NAV2: variants seen among roughly 807,000 people sequenced by gnomAD.
NAV2 encodes the protein neuron navigator 2.
In NAV2, 54 loss-of-function variants were observed where a neutral mutation model predicts 223.2. The observed-to-expected ratio is 0.24, with a 90% CI of 0.19 to 0.30. NAV2 has a LOEUF of 0.30. NAV2 is among the 10% of genes least tolerant of loss of function. NAV2 has a pLI of 1.00. For missense variants in NAV2, 2,806 were observed against 3,147.5 expected (o/e 0.89, Z 2.60); for synonymous variants, 1,279 against 1,239.3 (o/e 1.03, Z -0.67).
At chr11:19,369,300 C>T (rs181472618) in intron 1 of NAV2, among the ~76,000 whole-genome samples, 2 of 152,226 alleles carry the variant, frequency 1.3e-5, no homozygotes, top group Non-Finnish European at 2.9e-5. Flanking sequence ...TTGGAACGAC[C>T]CATTGCAAAT....
intron 1 of NAV2, among the ~76,000 whole-genome samples, chr11:19,499,470 G>A (rs971782604): frequency 4.6e-5 from 7 of 152,222 alleles, no homozygotes; most frequent in African/African-American, 1.7e-4. Context: ...TCGTTTCTAA[G>A]GAGAGGTGAG....
intron 8 of NAV2, among the ~76,000 whole-genome samples, chr11:19,945,147 TTCTG>T (rs2046808025): frequency 7.4e-6 from 1 of 134,548 alleles, no homozygotes; most frequent in African/African-American, 2.7e-5. Context: ...CTTCCTTTCT[TTCTG>T]TCTCCCTTCC....
chr11:20,079,942 T>A, intron 24 of NAV2, 122 bp from the exon 25 acceptor site: 1 of 977,808 alleles, frequency 1.0e-6, no homozygotes, highest in Non-Finnish European at 1.5e-6. Flanking sequence ...TCAGAGTTGA[T>A]GTATATGTGG....
chr11:19,993,335 A>G (rs760292934), intron 11 of NAV2, among the ~76,000 whole-genome samples: 5 of 152,232 alleles, frequency 3.3e-5, no homozygotes, highest in Non-Finnish European at 7.3e-5. Context: ...CTTCACTGCA[A>G]GAAGAAAGAG....
intron 10 of NAV2, 40 bp downstream of exon 10, chr11:19,949,120 G>A (rs1260790969): frequency 2.6e-6 from 4 of 1,537,000 alleles, no homozygotes; most frequent in Non-Finnish European, 3.5e-6. Flanking sequence ...GAGAGAAAGA[G>A]GGCTTGGCAC....
intron 37 of NAV2, among the ~76,000 whole-genome samples, chr11:20,116,967 T>C (rs145871743): frequency 1.3e-5 from 2 of 152,276 alleles, no homozygotes; most frequent in African/African-American, 4.8e-5. Context: ...TTGCCAAGGA[T>C]TGTCCATTAT....
At chr11:19,636,223 C>T (rs1590744899) in intron 1 of NAV2, among the ~76,000 whole-genome samples, 1 of 152,178 alleles carries the variant, frequency 6.6e-6, no homozygotes, top group East Asian at 1.9e-4. Context: ...ATATATGTTT[C>T]TTATGCCTTT....
chr11:19,655,072 G>A (rs963312893), intron 1 of NAV2, among the ~76,000 whole-genome samples: 1 of 152,196 alleles, frequency 6.6e-6, no homozygotes, highest in Admixed American at 6.5e-5. Flanking sequence ...CCATCAACAA[G>A]TGGGTGAAGG....
At chr11:19,544,265 A>G (rs887477155) in intron 1 of NAV2, among the ~76,000 whole-genome samples, 31 of 152,212 alleles carry the variant, frequency 2.0e-4, no homozygotes, top group African/African-American at 7.2e-4. Flanking sequence ...TCTTGACTCT[A>G]ATCTCGAGTT....
intron 26 of NAV2, 24 bp downstream of exon 26, chr11:20,083,203 T>A (rs770475776): frequency 5.0e-6 from 8 of 1,595,246 alleles, no homozygotes; most frequent in Non-Finnish European, 6.8e-6. Flanking sequence ...TCTAGTCAGA[T>A]AACATCTTTG....
chr11:19,948,561 C>T (rs1187586143), intron 9 of NAV2, 130 bp from the exon 10 acceptor site: 1 of 947,020 alleles, frequency 1.1e-6, no homozygotes, highest in Non-Finnish European at 1.5e-6. Context: ...TCAGGTGGTA[C>T]ATGGGGGCTG....
intron 4 of NAV2, among the ~76,000 whole-genome samples, chr11:19,872,224 T>C (rs1301858931): frequency 2.6e-5 from 4 of 152,212 alleles, no homozygotes; most frequent in African/African-American, 9.6e-5. Context: ...GATAGATTTA[T>C]TGAGAACTTA....
chr11:19,727,911 G>A (rs1280270156), intron 1 of NAV2, among the ~76,000 whole-genome samples: 6 of 152,164 alleles, frequency 3.9e-5, no homozygotes, highest in Non-Finnish European at 4.4e-5. Context: ...AGGATGCTGT[G>A]GAGCACTTTT....
chr11:19,553,853 C>T (rs934947434), intron 1 of NAV2, among the ~76,000 whole-genome samples: 2 of 152,224 alleles, frequency 1.3e-5, no homozygotes, highest in Non-Finnish European at 2.9e-5. Flanking sequence ...CTGTGCCAGC[C>T]GGGTAGTCAT....
At chr11:19,589,897 A>G (rs2046008847) in intron 1 of NAV2, among the ~76,000 whole-genome samples, 1 of 152,218 alleles carries the variant, frequency 6.6e-6, no homozygotes, top group Non-Finnish European at 1.5e-5. Flanking sequence ...AGAAGCATCC[A>G]AGAGGGCACA....
chr11:19,987,853 G>T (rs2153459313), intron 11 of NAV2, among the ~76,000 whole-genome samples: 1 of 152,328 alleles, frequency 6.6e-6, no homozygotes, highest in African/African-American at 2.4e-5. Flanking sequence ...GAGAAGAGAG[G>T]ATCAAAAGGG....
chr11:19,834,176 C>T (rs2060105365), intron 2 of NAV2, among the ~76,000 whole-genome samples: 1 of 152,174 alleles, frequency 6.6e-6, no homozygotes, highest in Non-Finnish European at 1.5e-5. Flanking sequence ...TCCAATTCTT[C>T]CTCTTCCTCT....
At chr11:19,589,310 A>G (rs2045987930) in intron 1 of NAV2, among the ~76,000 whole-genome samples, 1 of 152,230 alleles carries the variant, frequency 6.6e-6, no homozygotes. Flanking sequence ...TGTAGGAGCT[A>G]TCCTGACTTT....
At chr11:19,628,736 T>C (rs919452672) in intron 1 of NAV2, among the ~76,000 whole-genome samples, 3 of 152,154 alleles carry the variant, frequency 2.0e-5, no homozygotes, top group African/African-American at 4.8e-5. Flanking sequence ...TGAACACATA[T>C]ATAAAAATGC....
Sources: gnomAD v4.1 joint callset for allele counts (sites outside exome capture counted in the v4.1 genomes callset) on GRCh38, gnomAD v4.1.1 for gene constraint, MANE v1.5 for transcripts, NCBI Gene and HGNC (gene_info 2026-07-23, HGNC 2026-07-21) for gene names.